KRT25: variants seen among roughly 807,000 people sequenced by gnomAD.
KRT25 encodes the protein keratin 25, also known as keratin, type I cytoskeletal 25.
Under a neutral mutation model 47.6 loss-of-function variants are expected in KRT25, and 37 were observed. The ratio of observed to expected loss-of-function variants is 0.78; its 90% confidence interval spans 0.60 to 1.02. The LOEUF (loss-of-function observed/expected upper bound fraction) is 1.02, where lower values mean the gene tolerates loss of function less well. Among genes scored for constraint, KRT25 ranks in the 50% least tolerant of loss-of-function variants. The pLI is 0.00. For synonymous variants in KRT25, 203 were observed against 210.2 expected (o/e 0.97, Z 0.30); for missense variants, 542 against 550.3 (o/e 0.98, Z 0.15).
At chr17:40,750,836 T>A in intron 5 of KRT25, 118 bp downstream of exon 5, 14 of 1,353,704 alleles carry the variant, frequency 1.0e-5, no homozygotes, top group Non-Finnish European at 1.4e-5. Context: ...TCTTTCCTTA[T>A]GTTTTGAGAC....
Position 40,748,047 on chromosome 17 carries a change from A to T in KRT25, c.*230T>A, listed in dbSNP as rs975602130. On this transcript the variant is annotated 3_prime_UTR_variant, in exon 8 of 8. Transcript: ENST00000312150. ...AACTTGCTAAAGAAGAGGTTTATTGAATACAAAGAATTGACAACAGATTTC... is the reference window on the plus strand; with the variant it reads ...AACTTGCTAAAGAAGAGGTTTATTGTATACAAAGAATTGACAACAGATTTC... 4 of 367,374 alleles carry T rather than the reference A, an allele frequency of 1.1e-5. No individual in the cohort carries two copies. Among genetic ancestry groups the T allele is most frequent in the Non-Finnish European group, 1.9e-5 (4 of 207,130 alleles). The allele number at this position is 367,374 out of a possible 1,614,324, so 22.8% of individuals were successfully genotyped here.
At chr17:40,750,768 T>TAAAA (rs2038038687) in intron 5 of KRT25, among the ~76,000 whole-genome samples, 171 bp from the exon 6 acceptor site, 1 of 152,246 alleles carries the variant, frequency 6.6e-6, no homozygotes, top group African/African-American at 2.4e-5. Context: ...TCCTTCTTTT[T>TAAAA]AGTAGAATAA....
At chr17:40,751,553 G>A (rs1168878251) in intron 3 of KRT25, among the ~76,000 whole-genome samples, 1 of 152,132 alleles carries the variant, frequency 6.6e-6, no homozygotes, top group Admixed American at 6.5e-5. Context: ...AGTTTTAATT[G>A]TTCCAGAGTT....
In KRT25 at chr17:40,755,275, A is replaced by T; in HGVS notation, c.-4T>A. The T allele has an allele frequency of 6.2e-7, 1 of 1,611,788 alleles. No homozygotes were observed. The highest frequency in any genetic ancestry group is 1.3e-5 in the African/African-American group (1 of 75,004). ...CACTGGAAAGTCGAAGAGACATGGT[A>T]TCAGGGCAAACGCGTTGCAGAGCTG... On this transcript the variant is annotated 5_prime_UTR_variant, in exon 1 of 8. Transcript: ENST00000312150.
chr17:40,754,093 G>T, intron 2 of KRT25, 77 bp from the exon 3 acceptor site: 2 of 1,393,246 alleles, frequency 1.4e-6, no homozygotes, highest in East Asian at 2.3e-5. Flanking sequence ...AATGACAAAT[G>T]CTAGCATTCT....
Position 40,750,485 on chromosome 17 carries a change from G to C in KRT25, c.1070C>G (p.Thr357Ser). Residue 357 changes from threonine to serine, a missense_variant, in exon 6 of 8, where the codon ACC becomes AGC. Transcript: ENST00000312150. ...ALEEQLHQVR[T>S]ETEGQKLEYE... ...CTCCAGCTTCTGGCCCTCGGTCTCGGTTCTGACCTGGTGCAGCTGCTCCTC... is the reference window on the plus strand; with the variant it reads ...CTCCAGCTTCTGGCCCTCGGTCTCGCTTCTGACCTGGTGCAGCTGCTCCTC... 1 of 1,614,110 alleles carries C rather than the reference G, an allele frequency of 6.2e-7. No homozygotes were observed. The highest frequency in any genetic ancestry group is 8.5e-7 in the Non-Finnish European group (1 of 1,179,982).
intron 1 of KRT25, 83 bp downstream of exon 1, chr17:40,754,760 T>C (rs1597794087): frequency 2.6e-6 from 3 of 1,158,726 alleles, no homozygotes; most frequent in Non-Finnish European, 2.4e-6. Context: ...GAATGATAAA[T>C]GTTTTTAGAA....
chr17:40,748,372 T>C lies in KRT25; in HGVS notation c.1258A>G (p.Ile420Val). The change falls in exon 8 of 8, where the codon ATA (isoleucine) becomes GTA (valine). Residue 420 changes from isoleucine to valine, a missense_variant. Coordinates refer to ENST00000312150, the MANE Select transcript of KRT25 (RefSeq NM_181534.4). ...TCCTCAAGAACTTTCTTAACCACTATGGCTTTGGCTGGGTCTGAGCATTAA... is the reference window on the plus strand; with the variant it reads ...TCCTCAAGAACTTTCTTAACCACTACGGCTTTGGCTGGGTCTGAGCATTAA... ...GSQVKDPAKA[I>V]VVKKVLEEVD... 1 of 1,610,608 alleles carries C rather than the reference T, an allele frequency of 6.2e-7. No individual in the cohort carries two copies. Among genetic ancestry groups the C allele is most frequent in the South Asian group, 1.1e-5 (1 of 90,296 alleles).
At chr17:40,753,743 C>A in intron 3 of KRT25, 117 bp downstream of exon 3, 1 of 294,076 alleles carries the variant, frequency 3.4e-6, no homozygotes. Flanking sequence ...GCCCTCATGT[C>A]TGTCTGACAA....
chr17:40,748,180 A>G lies in KRT25; in HGVS notation c.*97T>C. 1 of 713,234 alleles carries G rather than the reference A, an allele frequency of 1.4e-6. No individual in the cohort carries two copies. The highest frequency in any genetic ancestry group is 2.3e-6 in the Non-Finnish European group (1 of 431,202). 44.2% of individuals were successfully genotyped at this position (713,234 alleles called of 1,614,324 possible). ...GAAAGTAACAGAAAGACAACAGGTT[A>G]GACATTTTTCTTAGACATGCACATT... On this transcript the variant is annotated 3_prime_UTR_variant, in exon 8 of 8. Transcript: ENST00000312150.
intron 3 of KRT25, 62 bp from the exon 4 acceptor site, chr17:40,751,388 A>G (rs1052351215): frequency 2.8e-5 from 42 of 1,513,384 alleles, no homozygotes; most frequent in Non-Finnish European, 3.4e-5. Flanking sequence ...CTAGAAGCTT[A>G]GCTTTGGAAG....
Position 40,749,443 on chromosome 17 carries a change from T to C in KRT25, c.1176-118A>G, listed in dbSNP as rs546920582. 694 of 776,748 alleles carry C rather than the reference T, an allele frequency of 8.9e-4. 16 individuals are homozygous for C. The South Asian group carries it at 9.7e-3, about 11-fold the overall frequency. The allele number at this position is 776,748 out of a possible 1,614,324, so 48.1% of individuals were successfully genotyped here. On this transcript the variant is annotated intron_variant, in intron 6 of 7. Coordinates refer to ENST00000312150, the MANE Select transcript of KRT25 (RefSeq NM_181534.4). ...ACTGTGTAACCCAGTATTTGATTTA[T>C]AGTGTTTGCTGATTTCTGTAGAGGT...
At chr17:40,754,150 T>G in intron 2 of KRT25, 134 bp from the exon 3 acceptor site, 1 of 893,450 alleles carries the variant, frequency 1.1e-6, no homozygotes, top group Non-Finnish European at 1.7e-6. Flanking sequence ...AAGCTTGTTG[T>G]ATAATAATTA....
chr17:40,754,439 A>G lies in KRT25; in HGVS notation c.459T>C (p.Asn153=), dbSNP rs781562457. 11 of 1,613,978 alleles carry G rather than the reference A, an allele frequency of 6.8e-6. No homozygotes were observed. Among genetic ancestry groups the G allele is most frequent in the African/African-American group, 1.3e-5 (1 of 74,932 alleles). The change falls in exon 2 of 8, where the codon AAT becomes AAC. Residue 153 remains asparagine (N), a synonymous_variant. Coordinates refer to ENST00000312150, the MANE Select transcript of KRT25 (RefSeq NM_181534.4). ...QIIASTTSNA[N]AVLQIDNARL... ...TGGCATTATCGATCTGCAGAACAGC[A>G]TTAGCATTGCTGGTGGTGGATGCGA...
intron 5 of KRT25, 143 bp downstream of exon 5, chr17:40,750,811 G>T (rs2038038945): frequency 1.6e-6 from 2 of 1,230,412 alleles, no homozygotes; most frequent in South Asian, 1.5e-5. Flanking sequence ...TTAGGTGTCA[G>T]CTATACAATC....
rs1368897823 is a variant in KRT25, at chr17:40,755,175, CA to C, written c.96del (p.Gly33GlufsTer37). On this transcript the variant is annotated frameshift_variant, in exon 1 of 8. Coordinates refer to ENST00000312150, the MANE Select transcript of KRT25 (RefSeq NM_181534.4). LOFTEE classifies it high-confidence loss of function. ...RLYGGGTSFG[T>X]GNSCGISGIG... ...ATCCCTGAAATGCCACAAGAATTTCCAGTACCAAAGCTGGTTCCCCCACCAT... is the reference window on the plus strand; with the variant it reads ...ATCCCTGAAATGCCACAAGAATTTCCGTACCAAAGCTGGTTCCCCCACCAT... 6.2e-7 allele frequency: 1 copy of C among 1,614,190 alleles called. No individual in the cohort carries two copies. The highest frequency in any genetic ancestry group is 1.3e-5 in the African/African-American group (1 of 75,056).
At position 40,755,261 on chromosome 17, in the gene KRT25, C is replaced by A; in HGVS notation, c.11G>T (p.Arg4Leu). 1.2e-6 allele frequency: 2 copies of A among 1,613,144 alleles called. No homozygotes were observed. Among genetic ancestry groups the A allele is most frequent in the Non-Finnish European group, 1.7e-6 (2 of 1,179,664 alleles). ...GGACCTCCTGGATGCACTGGAAAGT[C>A]GAAGAGACATGGTATCAGGGCAAAC... is the stretch of plus-strand genomic sequence containing the variant. MSL[R>L]LSSASRRSCP... Residue 4 changes from arginine to leucine, a missense_variant, in exon 1 of 8, where the codon CGA (arginine) becomes CTA (leucine). Transcript: ENST00000312150.
intron 3 of KRT25, 106 bp downstream of exon 3, chr17:40,753,754 T>C: frequency 2.1e-6 from 1 of 486,804 alleles, no homozygotes; most frequent in Non-Finnish European, 3.4e-6. Context: ...TGTCTGACAA[T>C]GTGTCTTCAG....
At chr17:40,750,746 A>C in intron 5 of KRT25, 149 bp from the exon 6 acceptor site, 1 of 1,322,216 alleles carries the variant, frequency 7.6e-7, no homozygotes, top group Non-Finnish European at 1.0e-6. Context: ...ATACTGCTTG[A>C]AAATGAGCAA....
Sources: allele counts gnomAD v4.1 joint callset (sites outside exome capture counted in the v4.1 genomes callset), GRCh38; gene constraint gnomAD v4.1.1; transcripts MANE v1.5; gene names NCBI Gene and HGNC (gene_info 2026-07-23, HGNC 2026-07-21).